SYCP1: variants seen among roughly 807,000 people sequenced by gnomAD.
SYCP1 encodes the protein cancer/testis antigen 8.
SYCP1 carries 64 observed loss-of-function variants against 153.1 expected under a neutral mutation model. The ratio of observed to expected loss-of-function variants is 0.42; its 90% CI spans 0.34 to 0.51. The LOEUF is 0.51. Ranked by LOEUF, SYCP1 falls within the 20% of genes least tolerant of loss-of-function variation. SYCP1 has a pLI of 0.06. For missense variants in SYCP1, 997 were observed against 1,049.0 expected (o/e 0.95, Z 0.68); for synonymous variants, 384 against 341.8 (o/e 1.12, Z -1.36).
intron 23 of SYCP1, among the ~76,000 whole-genome samples, chr1:114,934,348 C>T (rs1343674564): frequency 6.6e-6 from 1 of 152,138 alleles, no homozygotes; most frequent in East Asian, 1.9e-4. Flanking sequence ...CCTTTACAGA[C>T]AAGCAAATGC....
chr1:114,883,223 G>A (rs549736369), intron 12 of SYCP1, among the ~76,000 whole-genome samples: 6 of 152,114 alleles, frequency 3.9e-5, no homozygotes, highest in Admixed American at 6.5e-5. Flanking sequence ...CATCATTATC[G>A]CTTTGGAGTT....
At chr1:114,910,617 C>T (rs1420189034) in intron 17 of SYCP1, 116 bp downstream of exon 17, 2 of 595,562 alleles carry the variant, frequency 3.4e-6, no homozygotes, top group Non-Finnish European at 5.4e-6. Context: ...CCTTTCCAAG[C>T]ATTTATTATT....
At chr1:114,965,700 T>C (rs937305974) in intron 27 of SYCP1, among the ~76,000 whole-genome samples, 8 of 152,142 alleles carry the variant, frequency 5.3e-5, no homozygotes, top group African/African-American at 1.9e-4. Context: ...ATCCCAGGAA[T>C]TGATCGCGGT....
At chr1:114,914,698 C>T (rs1160325775) in intron 20 of SYCP1, among the ~76,000 whole-genome samples, 1 of 152,154 alleles carries the variant, frequency 6.6e-6, no homozygotes, top group African/African-American at 2.4e-5. Flanking sequence ...TTGGACAGTC[C>T]ACTTTTGCTT....
intron 3 of SYCP1, 40 bp downstream of exon 3, chr1:114,856,697 A>C: frequency 7.3e-7 from 1 of 1,362,836 alleles, no homozygotes; most frequent in Admixed American, 2.0e-5. Context: ...TTATATAGAA[A>C]CATTGTGTTA....
chr1:114,918,267 T>A (rs1429398550), intron 20 of SYCP1, among the ~76,000 whole-genome samples: 1 of 152,136 alleles, frequency 6.6e-6, no homozygotes, highest in Non-Finnish European at 1.5e-5. Flanking sequence ...CAATGTGTGA[T>A]CTTGGCACCT....
At chr1:114,874,036 C>T (rs1665346287) in intron 8 of SYCP1, among the ~76,000 whole-genome samples, 1 of 152,154 alleles carries the variant, frequency 6.6e-6, no homozygotes, top group Admixed American at 6.5e-5. Flanking sequence ...CCAGCCTCCA[C>T]ATAGTGTATC....
At chr1:114,984,511 A>G (rs981364920) in intron 29 of SYCP1, among the ~76,000 whole-genome samples, 4 of 152,018 alleles carry the variant, frequency 2.6e-5, no homozygotes, top group African/African-American at 7.2e-5. Context: ...GAGAAAGTCT[A>G]CCATTGTAAA....
intron 30 of SYCP1, among the ~76,000 whole-genome samples, chr1:114,986,644 T>C (rs74113427): frequency 0.033 from 5,040 of 152,092 alleles, 274 homozygotes; most frequent in African/African-American, 0.11. Context: ...TTAGCTTATG[T>C]AGTTAAATTT....
intron 8 of SYCP1, among the ~76,000 whole-genome samples, chr1:114,871,772 G>T (rs1665148422): frequency 6.6e-6 from 1 of 151,976 alleles, no homozygotes; most frequent in African/African-American, 2.4e-5. Flanking sequence ...GTTTAGTAGA[G>T]ATGGATTTTC....
chr1:114,934,552 C>G (rs1473070083), intron 23 of SYCP1, among the ~76,000 whole-genome samples: 1 of 152,138 alleles, frequency 6.6e-6, no homozygotes, highest in African/African-American at 2.4e-5. Context: ...CAAATTCACA[C>G]ATAACAATAT....
chr1:114,905,324 AC>A lies in SYCP1; in HGVS notation c.1321-5072del. On this transcript the variant is annotated intron_variant, in intron 16 of 31. Coordinates refer to ENST00000369522, the MANE Select transcript of SYCP1 (RefSeq NM_003176.4). ...TCTTGGAAACATTTAATAGGGACTT[AC>A]AAACAGAAGCCATGTGTGTCTCAAG... 2.0e-5 allele frequency among the ~76,000 whole-genome samples: 3 copies of A among 152,338 alleles called. No individual in the cohort carries two copies. In the East Asian group the frequency reaches 5.8e-4, roughly 29 times the overall value.
chr1:114,979,083 C>T (rs1672980458), intron 28 of SYCP1, among the ~76,000 whole-genome samples: 1 of 149,592 alleles, frequency 6.7e-6, no homozygotes, highest in South Asian at 2.1e-4. Flanking sequence ...GAAAATGAAC[C>T]ATATATATGT....
chr1:114,855,723 A>G (rs1663891756), intron 2 of SYCP1, 151 bp downstream of exon 2: 2 of 616,860 alleles, frequency 3.2e-6, no homozygotes, highest in African/African-American at 3.7e-5. Flanking sequence ...GCTTTAAATG[A>G]ACAGTGAGCA....
chr1:114,868,507 T>A (rs2101384627), intron 8 of SYCP1, among the ~76,000 whole-genome samples: 1 of 152,330 alleles, frequency 6.6e-6, no homozygotes, highest in East Asian at 1.9e-4. Context: ...TGCATCTATG[T>A]TCATGAGAGA....
At chr1:114,896,044 C>T (rs562983682) in intron 16 of SYCP1, among the ~76,000 whole-genome samples, 1 of 152,290 alleles carries the variant, frequency 6.6e-6, no homozygotes, top group South Asian at 2.1e-4. Context: ...TTTGCCTCCT[C>T]TGCCTTCTCT....
intron 27 of SYCP1, among the ~76,000 whole-genome samples, chr1:114,954,920 C>T (rs1671340949): frequency 6.6e-6 from 1 of 152,168 alleles, no homozygotes; most frequent in South Asian, 2.1e-4. Context: ...ATGACTAGAA[C>T]TTCCAGTACC....
At chr1:114,906,802 T>C (rs2101650902) in intron 16 of SYCP1, among the ~76,000 whole-genome samples, 2 of 152,322 alleles carry the variant, frequency 1.3e-5, no homozygotes, top group East Asian at 3.9e-4. Context: ...AAATAATATG[T>C]ATTCTGCTAT....
intron 16 of SYCP1, among the ~76,000 whole-genome samples, chr1:114,906,300 T>A (rs1437962674): frequency 6.6e-6 from 1 of 152,056 alleles, no homozygotes; most frequent in Non-Finnish European, 1.5e-5. Flanking sequence ...GTTTCTTAAT[T>A]TCATAGATCT....
Sources: allele counts gnomAD v4.1 joint callset (sites outside exome capture counted in the v4.1 genomes callset), GRCh38; gene constraint gnomAD v4.1.1; transcripts MANE v1.5; gene names NCBI Gene and HGNC (gene_info 2026-07-23, HGNC 2026-07-21).